The following CFDP1 variants were observed in gnomAD, a reference collection of about 807,000 sequenced individuals.
The protein encoded by CFDP1 is heterochromatin-stabilizing protein CFDP1.
Under a neutral mutation model 40.1 loss-of-function variants are expected in CFDP1, and 31 were observed. The observed-to-expected ratio is 0.77, with a 90% CI of 0.58 to 1.04. CFDP1 has a LOEUF of 1.04. Among genes scored for constraint, CFDP1 ranks in the 50% least tolerant of loss-of-function variants. The pLI is 0.00. For missense variants in CFDP1, 423 were observed against 343.4 expected (o/e 1.23, Z -1.83); for synonymous variants, 167 against 120.0 (o/e 1.39, Z -2.56).
chr16:75,301,295 C>T (rs2078219858), intron 6 of CFDP1, among the ~76,000 whole-genome samples: 1 of 152,036 alleles, frequency 6.6e-6, no homozygotes, highest in African/African-American at 2.4e-5. Flanking sequence ...TATTGTAAAA[C>T]ATAATATACA....
chr16:75,332,795 G>GTTCTTTTTTTTTTTT (rs2078455787), intron 5 of CFDP1, among the ~76,000 whole-genome samples: 1 of 142,910 alleles, frequency 7.0e-6, no homozygotes. Flanking sequence ...GCCTATTCAT[G>GTTCTTTTTTTTTTTT]TTCTTTTTTT....
intron 6 of CFDP1, among the ~76,000 whole-genome samples, chr16:75,294,946 T>C (rs759382765): frequency 1.5e-4 from 23 of 152,184 alleles, no homozygotes; most frequent in Non-Finnish European, 2.6e-4. Flanking sequence ...TGCATCTTAA[T>C]GCACCTCCTC....
chr16:75,407,521 A>T (rs74672956), intron 4 of CFDP1, among the ~76,000 whole-genome samples: 1 of 143,400 alleles, frequency 7.0e-6, no homozygotes, highest in Non-Finnish European at 1.6e-5. Flanking sequence ...CTACAAAAAA[A>T]TTTTAAAAGT....
intron 5 of CFDP1, among the ~76,000 whole-genome samples, chr16:75,363,661 G>A (rs192493254): frequency 6.6e-6 from 1 of 152,224 alleles, no homozygotes; most frequent in East Asian, 1.9e-4. Flanking sequence ...TTCCCAAAGT[G>A]CTGCGATTAC....
At chr16:75,303,400 A>ATGTATGTATGT (rs1555552218) in intron 6 of CFDP1, among the ~76,000 whole-genome samples, 16 of 146,244 alleles carry the variant, frequency 1.1e-4, no homozygotes, top group South Asian at 2.1e-4. Context: ...TAAATAAATA[A>ATGTATGTATGT]ATGTATGTAT....
At chr16:75,417,920 A>G (rs1376608703) in intron 1 of CFDP1, among the ~76,000 whole-genome samples, 1 of 152,138 alleles carries the variant, frequency 6.6e-6, no homozygotes, top group East Asian at 1.9e-4. Flanking sequence ...CACGTTAGGA[A>G]TCTAGATCTT....
rs1318718610 is a variant in CFDP1, at chr16:75,433,304, C to T, written c.49G>A (p.Asp17Asn). ...EDFSTSEEDE[D>N]YVPSGGEYSE... ...AATCGCTCACCCGACGGCACGTAGT[C>T]CTCGTCCTCCTCCGACGTAGAGAAG... Residue 17 changes from aspartate (D) to asparagine (N), a missense_variant, in exon 1 of 7, where the codon GAC (aspartate) becomes AAC (asparagine). Transcript: ENST00000283882. 1 of 1,600,758 alleles carries T rather than the reference C, an allele frequency of 6.2e-7. No homozygotes were observed. The highest frequency in any genetic ancestry group is 2.2e-5 in the East Asian group (1 of 44,492).
At chr16:75,391,072 T>C (rs1034024963) in intron 5 of CFDP1, among the ~76,000 whole-genome samples, 12 of 152,274 alleles carry the variant, frequency 7.9e-5, no homozygotes, top group African/African-American at 2.9e-4. Flanking sequence ...GTGAGATTTC[T>C]ACATGAGTGA....
At chr16:75,371,605 T>G (rs1362912758) in intron 5 of CFDP1, among the ~76,000 whole-genome samples, 1 of 152,234 alleles carries the variant, frequency 6.6e-6, no homozygotes, top group East Asian at 1.9e-4. Flanking sequence ...TTATATATTT[T>G]AGTACATAAA....
At chr16:75,423,247 C>G (rs372672389) in intron 1 of CFDP1, among the ~76,000 whole-genome samples, 1 of 143,290 alleles carries the variant, frequency 7.0e-6, no homozygotes, top group Non-Finnish European at 1.5e-5. Flanking sequence ...TGCCACTGCA[C>G]GCCAGCCTGG....
chr16:75,302,969 GT>G (rs911780721), intron 6 of CFDP1, among the ~76,000 whole-genome samples: 2 of 152,212 alleles, frequency 1.3e-5, no homozygotes, highest in African/African-American at 4.8e-5. Context: ...GCCGAGGCGG[GT>G]GGGCAGATCA....
chr16:75,295,130 T>C lies in CFDP1; in HGVS notation c.810-1088A>G, dbSNP rs537219301. Among the ~76,000 whole-genome samples the C allele has an allele frequency of 3.3e-5, 5 of 152,342 alleles. No individual in the cohort carries two copies. In the East Asian group the frequency reaches 9.6e-4, roughly 29 times the overall value. ...TCTGTCATTACAAAGTCATTACATTTATAGTGAGAATGCTACCAGGTTCAG... is the reference window on the plus strand; with the variant it reads ...TCTGTCATTACAAAGTCATTACATTCATAGTGAGAATGCTACCAGGTTCAG... On this transcript the variant is annotated intron_variant, in intron 6 of 6. Transcript: ENST00000283882.
chr16:75,314,945 T>C (rs953294384), intron 5 of CFDP1, among the ~76,000 whole-genome samples: 1 of 151,904 alleles, frequency 6.6e-6, no homozygotes, highest in African/African-American at 2.4e-5. Context: ...AGAGATGGGG[T>C]TTCACCATGT....
chr16:75,384,888 ATATATATATATT>A (rs1348296869), intron 5 of CFDP1, among the ~76,000 whole-genome samples: 8 of 86,414 alleles, frequency 9.3e-5, no homozygotes, highest in African/African-American at 3.1e-4. Flanking sequence ...ATATATATAT[ATATATATATATT>A]GCAGACCAGT....
intron 5 of CFDP1, among the ~76,000 whole-genome samples, chr16:75,307,046 T>C (rs1196665269): frequency 6.6e-6 from 1 of 152,158 alleles, no homozygotes; most frequent in African/African-American, 2.4e-5. Context: ...ATCACCTGGA[T>C]AATTGAACAG....
At chr16:75,354,336 G>A (rs1407449996) in intron 5 of CFDP1, among the ~76,000 whole-genome samples, 2 of 152,106 alleles carry the variant, frequency 1.3e-5, no homozygotes, top group African/African-American at 4.8e-5. Flanking sequence ...CCACATACCC[G>A]CACATTCTCT....
intron 5 of CFDP1, among the ~76,000 whole-genome samples, chr16:75,318,007 G>A (rs190868894): frequency 6.6e-6 from 1 of 152,224 alleles, no homozygotes; most frequent in Non-Finnish European, 1.5e-5. Flanking sequence ...TGTAATCCCA[G>A]CTACTCAGGA....
intron 5 of CFDP1, among the ~76,000 whole-genome samples, chr16:75,330,979 A>AC (rs2078442049): frequency 6.6e-6 from 1 of 151,036 alleles, no homozygotes; most frequent in Non-Finnish European, 1.5e-5. Flanking sequence ...AAAAAAAAAA[A>AC]AAAAAACACA....
intron 4 of CFDP1, among the ~76,000 whole-genome samples, chr16:75,407,622 G>A (rs551357935): frequency 7.0e-6 from 1 of 143,276 alleles, no homozygotes; most frequent in Admixed American, 7.6e-5. Context: ...GTTGGTTGAG[G>A]CTAGCGTGAA....
Sources: allele counts gnomAD v4.1 joint callset (sites outside exome capture counted in the v4.1 genomes callset), GRCh38; gene constraint gnomAD v4.1.1; transcripts MANE v1.5; gene names NCBI Gene and HGNC (gene_info 2026-07-23, HGNC 2026-07-21).